AP2B1: variants seen among roughly 807,000 people sequenced by gnomAD.
The protein encoded by AP2B1 is AP-2 complex subunit beta.
A neutral mutation model predicts 102.0 loss-of-function variants in AP2B1; 23 were observed. The observed-to-expected ratio is 0.23, with a 90% CI of 0.16 to 0.32. The LOEUF (loss-of-function observed/expected upper bound fraction) is 0.32, where lower values mean the gene tolerates loss of function less well. Among genes scored for constraint, AP2B1 ranks in the 10% least tolerant of loss-of-function variants. The pLI is 1.00. For synonymous variants in AP2B1, 381 were observed against 421.2 expected, an observed-to-expected ratio of 0.90 and a Z score of 1.17; for missense variants, 541 against 1,157.4, an observed-to-expected ratio of 0.47 and a Z score of 7.73.
chr17:35,605,654 T>A (rs1404412049), intron 3 of AP2B1, 51 bp from the exon 4 acceptor site: 2 of 1,360,906 alleles, frequency 1.5e-6, no homozygotes, highest in Admixed American at 1.9e-5. Context: ...TCCAACAGCT[T>A]GGCACCAACA....
At chr17:35,598,415 A>C (rs1597980473) in intron 3 of AP2B1, 80 bp downstream of exon 3, 1 of 827,678 alleles carries the variant, frequency 1.2e-6, no homozygotes, top group East Asian at 2.7e-5. Flanking sequence ...TTCCTTTAAA[A>C]GTATCATAAT....
intron 17 of AP2B1, among the ~76,000 whole-genome samples, chr17:35,682,343 T>C (rs1470602706): frequency 2.1e-5 from 3 of 140,550 alleles, no homozygotes; most frequent in Non-Finnish European, 4.6e-5. Flanking sequence ...TCTTTTTTTT[T>C]TTTTTTTTTT....
chr17:35,648,743 AGTGTGTGT>A (rs10668040), intron 12 of AP2B1, among the ~76,000 whole-genome samples: 13,544 of 148,648 alleles, frequency 0.091, 725 homozygotes, highest in East Asian at 0.2. Context: ...ATATGAAATA[AGTGTGTGT>A]GTGTGTGTGT....
intron 17 of AP2B1, 109 bp from the exon 18 acceptor site, chr17:35,682,586 C>G (rs2075847582): frequency 9.3e-7 from 1 of 1,072,752 alleles, no homozygotes; most frequent in Non-Finnish European, 1.3e-6. Context: ...TCAGGTGATT[C>G]ACCCACCTCA....
chr17:35,606,648 C>A (rs2073685781), intron 4 of AP2B1, among the ~76,000 whole-genome samples: 1 of 152,014 alleles, frequency 6.6e-6, no homozygotes, highest in African/African-American at 2.4e-5. Flanking sequence ...GACACATAAC[C>A]ACTCTTGTTT....
chr17:35,629,711 A>G (rs137967420), intron 9 of AP2B1, among the ~76,000 whole-genome samples: 5 of 152,340 alleles, frequency 3.3e-5, no homozygotes, highest in Admixed American at 2.0e-4. Flanking sequence ...TTCTGTATAC[A>G]TAGGCAAGGC....
At chr17:35,667,280 A>G (rs1292760154) in intron 14 of AP2B1, among the ~76,000 whole-genome samples, 1 of 152,178 alleles carries the variant, frequency 6.6e-6, no homozygotes, top group African/African-American at 2.4e-5. Context: ...AGTCCGCATA[A>G]GCTGTAGTCT....
intron 17 of AP2B1, among the ~76,000 whole-genome samples, chr17:35,676,792 TA>T (rs1567963908): frequency 6.6e-6 from 1 of 151,688 alleles, no homozygotes; most frequent in African/African-American, 2.4e-5. Context: ...ATATTGGTCA[TA>T]TATATCTTTC....
At chr17:35,597,117 C>G in intron 2 of AP2B1, 1 of 519,308 alleles carries the variant, frequency 1.9e-6, no homozygotes, top group African/African-American at 2.0e-5. Context: ...GTAGCGACCT[C>G]CGGAAGCGGA....
At chr17:35,607,386 C>T (rs1020927066) in intron 4 of AP2B1, among the ~76,000 whole-genome samples, 2 of 152,084 alleles carry the variant, frequency 1.3e-5, no homozygotes, top group African/African-American at 4.8e-5. Context: ...AGAGTCAGAA[C>T]GTAACAGTTT....
chr17:35,698,442 T>C (rs1018802767), intron 18 of AP2B1, among the ~76,000 whole-genome samples: 6 of 152,304 alleles, frequency 3.9e-5, no homozygotes, highest in African/African-American at 1.4e-4. Flanking sequence ...GACCAGTAGT[T>C]GGGACTGTAG....
rs777131172 is a variant in AP2B1, at chr17:35,612,878, G to GCACACACA, written c.525+4492_525+4493insACACACAC. Among the ~76,000 whole-genome samples the GCACACACA allele has an allele frequency of 6.1e-3, 485 of 79,790 alleles. 6 individuals are homozygous for GCACACACA. Among genetic ancestry groups the GCACACACA allele is most frequent in the Middle Eastern group, 0.042 (7 of 166 alleles). 52.3% of individuals were successfully genotyped at this position (79,790 alleles called of 152,430 possible). A position where few individuals can be genotyped will look rare whatever the true frequency, so the allele number is the denominator to read the frequency against. On this transcript the variant is annotated intron_variant, in intron 5 of 21. Coordinates refer to ENST00000610402, the MANE Select transcript of AP2B1 (RefSeq NM_001030006.2). ...CCTGAGGTCATTTAAATGTGTATGT[G>GCACACACA]CGCACACACACACACACACACACAC... is the stretch of plus-strand genomic sequence containing the variant.
At chr17:35,616,233 C>T (rs572914571) in intron 5 of AP2B1, among the ~76,000 whole-genome samples, 5 of 127,936 alleles carry the variant, frequency 3.9e-5, no homozygotes, top group Non-Finnish European at 3.1e-5. Context: ...GGCGCGATCT[C>T]GGCTCACTGC....
At chr17:35,613,498 A>T (rs1317549267) in intron 5 of AP2B1, among the ~76,000 whole-genome samples, 1 of 152,138 alleles carries the variant, frequency 6.6e-6, no homozygotes, top group Non-Finnish European at 1.5e-5. Context: ...TTGATGAAAT[A>T]CTAGTTAAGA....
chr17:35,597,084 G>A (rs1451399650), intron 2 of AP2B1: 13 of 544,558 alleles, frequency 2.4e-5, no homozygotes, highest in Non-Finnish European at 4.0e-5. Flanking sequence ...GGGCGCCCCC[G>A]CTCCGGGGCC....
intron 17 of AP2B1, among the ~76,000 whole-genome samples, chr17:35,678,609 A>G (rs921536932): frequency 5.9e-5 from 9 of 152,322 alleles, no homozygotes; most frequent in African/African-American, 2.2e-4. Flanking sequence ...CATTTACTAA[A>G]ATGATTATGT....
intron 9 of AP2B1, among the ~76,000 whole-genome samples, chr17:35,633,397 C>T (rs567292376): frequency 1.1e-3 from 164 of 150,452 alleles, no homozygotes; most frequent in Non-Finnish European, 1.8e-3. Context: ...TTTCATGGTA[C>T]AACAGAACCA....
chr17:35,632,870 G>T (rs148190141), intron 9 of AP2B1, among the ~76,000 whole-genome samples: 260 of 151,666 alleles, frequency 1.7e-3, no homozygotes, highest in African/African-American at 6.1e-3. Context: ...TTAATTTATG[G>T]TAATTCAATG....
At chr17:35,598,385 T>C (rs181233279) in intron 3 of AP2B1, 50 bp downstream of exon 3, 1 of 1,118,998 alleles carries the variant, frequency 8.9e-7, no homozygotes, top group Non-Finnish European at 1.3e-6. Flanking sequence ...CCATACCCCA[T>C]CTTATGGCCT....
Sources: allele counts gnomAD v4.1 joint callset (sites outside exome capture counted in the v4.1 genomes callset), GRCh38; gene constraint gnomAD v4.1.1; transcripts MANE v1.5; gene names NCBI Gene and HGNC (gene_info 2026-07-23, HGNC 2026-07-21).